Variants in CYYR1 observed in about 807,000 individuals in gnomAD.
CYYR1 encodes the protein cysteine and tyrosine-rich protein 1.
CYYR1 carries 14 observed loss-of-function variants against 15.2 expected under a neutral mutation model. The observed-to-expected ratio is 0.92, with a 90% CI of 0.61 to 1.44. The LOEUF is 1.44. Among genes scored for constraint, CYYR1 ranks in the 40% most tolerant of loss-of-function variants. The pLI is 0.00. For missense variants in CYYR1, 228 were observed against 209.5 expected, an observed-to-expected ratio of 1.09 and a Z score of -0.54; for synonymous variants, 80 against 77.4, an observed-to-expected ratio of 1.03 and a Z score of -0.18.
At chr21:26,545,933 G>T (rs969945091) in intron 2 of CYYR1, among the ~76,000 whole-genome samples, 1 of 152,126 alleles carries the variant, frequency 6.6e-6, no homozygotes, top group Admixed American at 6.5e-5. Context: ...AGATAATTAA[G>T]CACGTAAATA....
intron 2 of CYYR1, among the ~76,000 whole-genome samples, chr21:26,490,502 G>C (rs2065313232): frequency 6.6e-6 from 1 of 151,840 alleles, no homozygotes; most frequent in South Asian, 2.1e-4. Flanking sequence ...GAAATAATTT[G>C]GTCATACTCA....
intron 2 of CYYR1, among the ~76,000 whole-genome samples, chr21:26,520,173 C>A (rs117299874): frequency 7.1e-6 from 1 of 141,598 alleles, no homozygotes; most frequent in Non-Finnish European, 1.5e-5. Flanking sequence ...CACAGGTATC[C>A]GTGTGCCATG....
chr21:26,549,704 T>C (rs1281667645), intron 2 of CYYR1, among the ~76,000 whole-genome samples: 3 of 152,186 alleles, frequency 2.0e-5, no homozygotes, highest in Admixed American at 2.0e-4. Context: ...TTGAGGTGTT[T>C]ATACATGTAC....
At chr21:26,489,970 C>T (rs2065305000) in intron 2 of CYYR1, among the ~76,000 whole-genome samples, 3 of 152,062 alleles carry the variant, frequency 2.0e-5, no homozygotes, top group African/African-American at 7.2e-5. Flanking sequence ...TTCTAACTGA[C>T]TACCACTAGA....
chr21:26,514,201 A>G (rs1160466950), intron 2 of CYYR1, among the ~76,000 whole-genome samples: 3 of 152,116 alleles, frequency 2.0e-5, no homozygotes, highest in African/African-American at 7.2e-5. Flanking sequence ...GGTCTTCAGA[A>G]TAGAGAAAGT....
At chr21:26,476,616 C>CTATCTATCTATCTATCTATT (rs1569138586) in intron 3 of CYYR1, among the ~76,000 whole-genome samples, 5 of 151,952 alleles carry the variant, frequency 3.3e-5, no homozygotes, top group African/African-American at 1.2e-4. Flanking sequence ...ATCTATCTAT[C>CTATCTATCTATCTATCTATT]TATCTATCTA....
intron 3 of CYYR1, chr21:26,477,804 A>T: frequency 3.0e-6 from 3 of 983,902 alleles, no homozygotes; most frequent in Non-Finnish European, 3.6e-6. Flanking sequence ...TGGTTTGACC[A>T]AGGGAAAAAA....
chr21:26,558,176 G>T (rs928677839), intron 2 of CYYR1, among the ~76,000 whole-genome samples: 1 of 152,114 alleles, frequency 6.6e-6, no homozygotes, highest in African/African-American at 2.4e-5. Context: ...AGTCTGAATC[G>T]GCATGTTAAA....
At chr21:26,541,267 C>T (rs570705177) in intron 2 of CYYR1, among the ~76,000 whole-genome samples, 31 of 152,120 alleles carry the variant, frequency 2.0e-4, no homozygotes, top group Middle Eastern at 6.8e-3. Context: ...AAAAACCTCA[C>T]GTATCCTATG....
chr21:26,487,128 T>A (rs1420565958), intron 2 of CYYR1, among the ~76,000 whole-genome samples: 1 of 152,020 alleles, frequency 6.6e-6, no homozygotes, highest in Non-Finnish European at 1.5e-5. Context: ...TCTAGAATAT[T>A]TTTGTTAGGA....
At chr21:26,503,866 A>T (rs983545581) in intron 2 of CYYR1, among the ~76,000 whole-genome samples, 2 of 152,192 alleles carry the variant, frequency 1.3e-5, no homozygotes, top group African/African-American at 4.8e-5. Flanking sequence ...TAAAATCTGC[A>T]TTTTCTTCAT....
intron 1 of CYYR1, among the ~76,000 whole-genome samples, chr21:26,569,524 T>C (rs1980874304): frequency 6.6e-6 from 1 of 152,094 alleles, no homozygotes; most frequent in African/African-American, 2.4e-5. Context: ...CCATTGTACC[T>C]CAAACCTCAG....
chr21:26,483,390 T>C (rs2065209515), intron 2 of CYYR1: 1 of 891,468 alleles, frequency 1.1e-6, no homozygotes, highest in South Asian at 5.2e-5. Context: ...AAATGTCTGG[T>C]GATCCTTGAA....
chr21:26,498,990 C>A (rs701719), intron 2 of CYYR1, among the ~76,000 whole-genome samples: 40,270 of 151,990 alleles, frequency 0.26, 5,919 homozygotes, highest in Non-Finnish European at 0.33. Flanking sequence ...TGGTTGAGGA[C>A]ACAGCCAAAC....
intron 2 of CYYR1, among the ~76,000 whole-genome samples, chr21:26,496,108 G>T (rs1197225100): frequency 6.6e-6 from 1 of 152,212 alleles, no homozygotes; most frequent in African/African-American, 2.4e-5. Flanking sequence ...TGGGCCTTAA[G>T]TCAAATCGGT....
intron 2 of CYYR1, among the ~76,000 whole-genome samples, chr21:26,539,913 G>A (rs1327203460): frequency 1.3e-5 from 2 of 152,092 alleles, no homozygotes; most frequent in South Asian, 2.1e-4. Flanking sequence ...GTTTGGGTTC[G>A]CATCTTTTTC....
chr21:26,474,244 G>A (rs9981644), intron 3 of CYYR1, among the ~76,000 whole-genome samples: 2,068 of 151,508 alleles, frequency 0.014, 49 homozygotes, highest in African/African-American at 0.047. Flanking sequence ...TAGTAGAGAC[G>A]GGGTTTCACC....
intron 3 of CYYR1, among the ~76,000 whole-genome samples, chr21:26,477,020 T>C (rs1236015074): frequency 2.0e-5 from 3 of 152,148 alleles, no homozygotes; most frequent in African/African-American, 7.2e-5. Flanking sequence ...CTGTCCAACA[T>C]AGGGTCAGGT....
chr21:26,565,439 A>G (rs538370972), intron 2 of CYYR1, among the ~76,000 whole-genome samples: 1 of 152,328 alleles, frequency 6.6e-6, no homozygotes, highest in South Asian at 2.1e-4. Flanking sequence ...ACAGAGGCAC[A>G]ACCGTTGCTG....
Sources: gnomAD v4.1 joint callset for allele counts (sites outside exome capture counted in the v4.1 genomes callset) on GRCh38, gnomAD v4.1.1 for gene constraint, MANE v1.5 for transcripts, NCBI Gene and HGNC (gene_info 2026-07-23, HGNC 2026-07-21) for gene names.